The following ITIH3 variants were observed in gnomAD, a reference collection of about 807,000 sequenced individuals.
ITIH3 encodes inter-alpha-trypsin inhibitor heavy chain 3.
In ITIH3, 81 loss-of-function variants were observed where a neutral mutation model predicts 96.5. The ratio of observed to expected loss-of-function variants is 0.84; its 90% confidence interval spans 0.70 to 1.01. ITIH3 has a LOEUF of 1.01. ITIH3 is among the 50% of genes least tolerant of loss of function. ITIH3 has a pLI of 0.00. For synonymous variants in ITIH3, 422 were observed against 445.2 expected (o/e 0.95, Z 0.66); for missense variants, 1,057 against 1,139.3 (o/e 0.93, Z 1.04).
intron 18 of ITIH3, 67 bp downstream of exon 18, chr3:52,806,473 A>G: frequency 8.3e-7 from 1 of 1,203,752 alleles, no homozygotes; most frequent in South Asian, 1.4e-5. Context: ...CCCCCGAGGT[A>G]GGCACAGGGA....
intron 17 of ITIH3, 62 bp from the exon 18 acceptor site, chr3:52,806,231 G>T (rs1559474019): frequency 6.3e-7 from 1 of 1,599,808 alleles, no homozygotes. Context: ...CAGAAGGCTG[G>T]GGGAGGCCCC....
chr3:52,795,718 C>T (rs1699556089), intron 2 of ITIH3, 95 bp downstream of exon 2: 3 of 1,242,322 alleles, frequency 2.4e-6, no homozygotes, highest in Non-Finnish European at 3.5e-6. Context: ...ACAGCTGACT[C>T]CTCACAGCTG....
chr3:52,805,640 T>C (rs1478403640), intron 15 of ITIH3, 168 bp from the exon 16 acceptor site: 3 of 1,440,820 alleles, frequency 2.1e-6, no homozygotes, highest in Non-Finnish European at 2.7e-6. Flanking sequence ...AGGGCTTCCC[T>C]GGACGTGCCC....
rs372440070 is a variant in ITIH3 at position 52,797,886 on chromosome 3, G to A, written c.619G>A (p.Asp207Asn). 24 of 1,608,690 alleles carry A rather than the reference G, an allele frequency of 1.5e-5. No homozygotes were observed. Among genetic ancestry groups the A allele is most frequent in the African/African-American group, 2.7e-5 (2 of 74,796 alleles). The change falls in exon 6 of 22, where the codon GAC becomes AAC. Residue 207 changes from aspartate to asparagine, a missense_variant. Coordinates refer to ENST00000449956, the MANE Select transcript of ITIH3 (RefSeq NM_002217.4). ...LDAEASFITN[D>N]LLGSALTKSF... Reference sequence around the variant, plus strand: ...TGCTGAGGCCTCTTTCATCACCAACGACCTCCTGGGAAGCGCCCTCACCAA... The same window carrying A: ...TGCTGAGGCCTCTTTCATCACCAACAACCTCCTGGGAAGCGCCCTCACCAA...
Position 52,799,401 on chromosome 3 carries a change from T to G in ITIH3, c.819T>G (p.Phe273Leu). The G allele has an allele frequency of 6.2e-7, 1 of 1,608,188 alleles. No homozygotes were observed. The highest frequency in any genetic ancestry group is 8.5e-7 in the Non-Finnish European group (1 of 1,177,426). The change falls in exon 8 of 22, where the codon TTT (phenylalanine) becomes TTG (leucine). Residue 273 changes from phenylalanine to leucine, a missense_variant. Transcript: ENST00000449956. ...TCAATGGCTACTTCGTGCACTTCTT[T>G]GCACCTCAAGGCCTTCCAGTGGTGC... ...QIVNGYFVHF[F>L]APQGLPVVPK...
At chr3:52,808,244 C>T (rs528715461) in intron 21 of ITIH3, 23 bp downstream of exon 21, 1 of 1,569,958 alleles carries the variant, frequency 6.4e-7, no homozygotes, top group African/African-American at 1.4e-5. Flanking sequence ...CTCCCACACC[C>T]TCACCTGCTC....
chr3:52,801,689 A>G (rs955706178), intron 11 of ITIH3, among the ~76,000 whole-genome samples: 18 of 152,164 alleles, frequency 1.2e-4, no homozygotes, highest in African/African-American at 4.3e-4. Context: ...CCTTTTAATA[A>G]GGACATCAAT....
Position 52,799,929 on chromosome 3 carries a change from C to T in ITIH3, c.1075+8C>T, listed in dbSNP as rs765725934. On this transcript the variant is annotated splice_region_variant and intron_variant, in intron 9 of 21. Coordinates refer to ENST00000449956, the MANE Select transcript of ITIH3 (RefSeq NM_002217.4). ...GCATGGAGGATAAAGGAAGTAAGAG[C>T]GGAGCTGGAGCCCACACACCTCCTA... 43 of 1,611,928 alleles carry T rather than the reference C, an allele frequency of 2.7e-5. No individual in the cohort carries two copies. Among genetic ancestry groups the T allele is most frequent in the Non-Finnish European group, 3.3e-5 (39 of 1,179,022 alleles).
Position 52,799,389 on chromosome 3 carries a change from C to G in ITIH3, c.807C>G (p.Phe269Leu). 2 of 1,600,398 alleles carry G rather than the reference C, an allele frequency of 1.2e-6. No homozygotes were observed. The highest frequency in any genetic ancestry group is 1.1e-5 in the South Asian group (1 of 88,760). ...PGNVQIVNGY[F>L]VHFFAPQGLP... The stretch of plus-strand genomic sequence containing the variant: ...CTTTCCAGATAGTCAATGGCTACTT[C>G]GTGCACTTCTTTGCACCTCAAGGCC... Residue 269 changes from phenylalanine to leucine, a missense_variant, in exon 8 of 22, where the codon TTC (phenylalanine) becomes TTG (leucine). Phe to Leu is a conservative substitution (Grantham distance 22, BLOSUM62 0). Coordinates refer to ENST00000449956, the MANE Select transcript of ITIH3 (RefSeq NM_002217.4).
intron 15 of ITIH3, 106 bp from the exon 16 acceptor site, chr3:52,805,702 G>A (rs1218839920): frequency 3.2e-6 from 5 of 1,561,516 alleles, no homozygotes; most frequent in Non-Finnish European, 4.3e-6. Flanking sequence ...ATCTGCCAGT[G>A]TTGGGGCCCC....
At chr3:52,800,386 A>C (rs1305162302) in intron 9 of ITIH3, 152 bp from the exon 10 acceptor site, 9 of 790,354 alleles carry the variant, frequency 1.1e-5, no homozygotes, top group Non-Finnish European at 1.8e-5. Context: ...GTGGTGGTTC[A>C]TTCATTGTTT....
chr3:52,797,054 G>A, intron 4 of ITIH3, 51 bp from the exon 5 acceptor site: 1 of 1,574,590 alleles, frequency 6.4e-7, no homozygotes. Context: ...GGCCGAGGAA[G>A]GGTGGGCTCC....
At position 52,802,901 on chromosome 3, in the gene ITIH3, C is replaced by T; in HGVS notation, c.1709+95C>T. On this transcript the variant is annotated intron_variant, in intron 13 of 21. Transcript: ENST00000449956. The stretch of plus-strand genomic sequence containing the variant: ...GCAGTCCCAGCGGTCCTGCCCTCTT[C>T]TTGGGCCAGCCCAGGAAGTGTCTGT... The T allele has an allele frequency of 2.8e-6, 4 of 1,407,852 alleles. No individual in the cohort carries two copies. In the South Asian group the frequency reaches 5.2e-5, roughly 18 times the overall value. The allele number at this position is 1,407,852 out of a possible 1,614,324, so 87.2% of individuals were successfully genotyped here. A position where few individuals can be genotyped will look rare whatever the true frequency, so the allele number is the denominator to read the frequency against.
rs1446896213 is a variant in ITIH3, at chr3:52,794,812, T to C, written c.9T>C (p.Phe3=). Residue 3 remains phenylalanine (F), a synonymous_variant, in exon 1 of 22, where the codon TTT becomes TTC. Coordinates refer to ENST00000449956, the MANE Select transcript of ITIH3 (RefSeq NM_002217.4). ...GGCCTGAGTATTCAGCGATGGCATT[T>C]GCATGGTGGCCCTGTCTCATCTTGG... is the stretch of plus-strand genomic sequence containing the variant. MA[F]AWWPCLILAL... The C allele has an allele frequency of 6.2e-7, 1 of 1,613,916 alleles. No homozygotes were observed. The highest frequency in any genetic ancestry group is 8.5e-7 in the Non-Finnish European group (1 of 1,179,808).
chr3:52,796,739 G>A lies in ITIH3; in HGVS notation c.282G>A (p.Leu94=). ...TACCCCCAACTCTCTTTCCCTGCAGGACCATCGACGGTGTTACCTACCCTG... is the reference window on the plus strand; with the variant it reads ...TACCCCCAACTCTCTTTCCCTGCAGAACCATCGACGGTGTTACCTACCCTG... The part of the protein sequence containing the change: ...PKTAFITNFT[L]TIDGVTYPGN... Residue 94 remains leucine (L), a splice_region_variant and synonymous_variant, in exon 4 of 22, where the codon TTG becomes TTA. Transcript: ENST00000449956. 2 of 1,610,792 alleles carry A rather than the reference G, an allele frequency of 1.2e-6. No individual in the cohort carries two copies. The highest frequency in any genetic ancestry group is 2.2e-5 in the East Asian group (1 of 44,864).
intron 9 of ITIH3, chr3:52,800,250 A>T: frequency 1.9e-6 from 1 of 539,030 alleles, no homozygotes; most frequent in Non-Finnish European, 3.3e-6. Context: ...CTCTCCTCCC[A>T]GCAAGAGGTA....
chr3:52,807,951 T>C, intron 20 of ITIH3, 35 bp downstream of exon 20: 3 of 1,603,812 alleles, frequency 1.9e-6, no homozygotes, highest in African/African-American at 1.3e-5. Flanking sequence ...TGTTCAGGCC[T>C]GAGAGCAGCA....
chr3:52,805,416 T>G, intron 15 of ITIH3: 2 of 1,056,434 alleles, frequency 1.9e-6, no homozygotes, highest in South Asian at 6.1e-5. Flanking sequence ...TGCGCCTGTG[T>G]GCACGTGTGG....
At position 52,799,061 on chromosome 3, in the gene ITIH3, C is replaced by T. The variant is rs776836238; in HGVS notation, c.759C>T (p.Asp253=). 2.0e-5 allele frequency: 32 copies of T among 1,613,356 alleles called. No homozygotes were observed. The highest frequency in any genetic ancestry group is 2.7e-5 in the African/African-American group (2 of 74,936). Residue 253 remains aspartate (D), a synonymous_variant, in exon 7 of 22, where the codon GAC becomes GAT. Transcript: ENST00000449956. ...ATGGAGATTTCACTATCACCTATGA[C>T]GTGAACAGAGAATCTCCTGGCAACG... ...LLNGDFTITY[D]VNRESPGNVQ... is the part of the protein sequence containing the mutation.
Sources: gnomAD v4.1 joint callset for allele counts (sites outside exome capture counted in the v4.1 genomes callset) on GRCh38, gnomAD v4.1.1 for gene constraint, MANE v1.5 for transcripts, NCBI Gene and HGNC (gene_info 2026-07-23, HGNC 2026-07-21) for gene names.